GABRG3: variants seen among roughly 807,000 people sequenced by gnomAD.
GABRG3 encodes gamma-aminobutyric acid type A receptor subunit gamma3.
In GABRG3, 25 loss-of-function variants were observed where a neutral mutation model predicts 48.8. That is an observed-to-expected ratio of 0.51 (90% CI 0.37 to 0.72). GABRG3 has a LOEUF of 0.72. Ranked by LOEUF, GABRG3 falls within the 30% of genes least tolerant of loss-of-function variation. The pLI is 0.00. For synonymous variants in GABRG3, 227 were observed against 217.6 expected (o/e 1.04, Z -0.38); for missense variants, 394 against 577.9 (o/e 0.68, Z 3.26).
rs1566988398 is a variant in GABRG3, at chr15:27,271,113, C to G, written c.271-55696C>G. Among the ~76,000 whole-genome samples the G allele has an allele frequency of 3.9e-5, 6 of 152,172 alleles. No homozygotes were observed. The South Asian group carries it at 1.2e-3, about 32-fold the overall frequency. On this transcript the variant is annotated intron_variant, in intron 3 of 9. Transcript: ENST00000615808. Reference sequence around the variant, plus strand: ...TGAGCAGAGAGGTGAAGCGCTAACCCTACAGGAGTTTAGCTCTCTGTCCCT... The same window carrying G: ...TGAGCAGAGAGGTGAAGCGCTAACCGTACAGGAGTTTAGCTCTCTGTCCCT...
intron 3 of GABRG3, among the ~76,000 whole-genome samples, chr15:27,201,572 ACAC>A (rs768767041): frequency 0.05 from 7,531 of 152,054 alleles, 434 homozygotes; most frequent in African/African-American, 0.14. Context: ...AGGGTCTGTA[ACAC>A]TTACACCTTG....
At chr15:27,358,002 A>C (rs75760864) in intron 5 of GABRG3, among the ~76,000 whole-genome samples, 2,612 of 152,302 alleles carry the variant, frequency 0.017, 81 homozygotes, top group African/African-American at 0.06. Flanking sequence ...TGATCATCCA[A>C]ATGTTGACAC....
chr15:27,513,804 AAATT>A (rs1207335925), intron 6 of GABRG3, among the ~76,000 whole-genome samples: 1 of 152,222 alleles, frequency 6.6e-6, no homozygotes, highest in Non-Finnish European at 1.5e-5. Context: ...AGAAAGAAAA[AAATT>A]AAAACACGAA....
chr15:27,210,377 T>C (rs2140434362), intron 3 of GABRG3, among the ~76,000 whole-genome samples: 1 of 152,356 alleles, frequency 6.6e-6, no homozygotes, highest in Middle Eastern at 3.4e-3. Context: ...GATTTTCTCC[T>C]TTTGACTCAT....
chr15:27,030,087 AGG>A (rs1896056942), intron 3 of GABRG3, among the ~76,000 whole-genome samples: 1 of 152,216 alleles, frequency 6.6e-6, no homozygotes, highest in Non-Finnish European at 1.5e-5. Flanking sequence ...GCAATAAAAA[AGG>A]ATATAAGAAA....
chr15:27,264,968 C>T (rs1049997771), intron 3 of GABRG3, among the ~76,000 whole-genome samples: 5 of 151,894 alleles, frequency 3.3e-5, no homozygotes, highest in South Asian at 2.1e-4. Flanking sequence ...ATATCTCTAC[C>T]CTATTCCTCT....
chr15:27,395,753 A>T (rs1396898346), intron 5 of GABRG3, among the ~76,000 whole-genome samples: 6 of 152,258 alleles, frequency 3.9e-5, no homozygotes, highest in Non-Finnish European at 8.8e-5. Flanking sequence ...ATGTAAACAA[A>T]TAATTCTAGA....
chr15:27,436,655 A>G (rs1219336091), intron 5 of GABRG3, among the ~76,000 whole-genome samples: 1 of 152,166 alleles, frequency 6.6e-6, no homozygotes, highest in Admixed American at 6.5e-5. Context: ...GTCTGAAGGA[A>G]AAATAATGTG....
chr15:27,087,922 GGTGT>G (rs139541711), intron 3 of GABRG3, among the ~76,000 whole-genome samples: 26 of 148,592 alleles, frequency 1.7e-4, no homozygotes, highest in African/African-American at 6.0e-4. Flanking sequence ...GGTGTGCTGT[GGTGT>G]GTGTGTGATG....
chr15:27,218,428 G>A (rs975694692), intron 3 of GABRG3, among the ~76,000 whole-genome samples: 3 of 152,162 alleles, frequency 2.0e-5, no homozygotes. Context: ...TTCTGCACTT[G>A]TTGATTCTCA....
chr15:27,162,003 C>G (rs1887209436), intron 3 of GABRG3, among the ~76,000 whole-genome samples: 2 of 152,086 alleles, frequency 1.3e-5, no homozygotes, highest in South Asian at 4.1e-4. Context: ...TAGAAATAAA[C>G]TTACACATAC....
chr15:27,059,035 A>C (rs903952686), intron 3 of GABRG3, among the ~76,000 whole-genome samples: 1 of 152,196 alleles, frequency 6.6e-6, no homozygotes, highest in African/African-American at 2.4e-5. Flanking sequence ...AGCAGGCTCA[A>C]ACTAATTCAC....
At chr15:27,388,338 AGGTG>A (rs1469773504) in intron 5 of GABRG3, among the ~76,000 whole-genome samples, 1 of 42,666 alleles carries the variant, frequency 2.3e-5, no homozygotes, top group Non-Finnish European at 4.3e-5. Flanking sequence ...AAGGAAGGAA[AGGTG>A]GGAGGGAGGG....
intron 3 of GABRG3, among the ~76,000 whole-genome samples, chr15:27,287,730 G>C (rs1891661253): frequency 2.0e-5 from 3 of 147,096 alleles, no homozygotes; most frequent in Non-Finnish European, 4.5e-5. Flanking sequence ...AAGATGATTT[G>C]CTGTGTCTTT....
At chr15:27,221,669 T>A (rs1014287328) in intron 3 of GABRG3, among the ~76,000 whole-genome samples, 3 of 152,204 alleles carry the variant, frequency 2.0e-5, no homozygotes, top group Non-Finnish European at 2.9e-5. Flanking sequence ...TTTGTCTTGT[T>A]ACAACCAAGT....
intron 3 of GABRG3, among the ~76,000 whole-genome samples, chr15:27,307,084 A>G (rs1335745486): frequency 1.6e-5 from 2 of 128,594 alleles, no homozygotes; most frequent in Non-Finnish European, 3.1e-5. Context: ...ACATGTTTAT[A>G]TATAAACATA....
At chr15:27,252,412 G>A (rs1890487497) in intron 3 of GABRG3, among the ~76,000 whole-genome samples, 1 of 152,202 alleles carries the variant, frequency 6.6e-6, no homozygotes, top group African/African-American at 2.4e-5. Flanking sequence ...GGGTGGCTGT[G>A]TGGATGCCAT....
chr15:27,110,848 G>A (rs757980971), intron 3 of GABRG3, among the ~76,000 whole-genome samples: 1 of 152,110 alleles, frequency 6.6e-6, no homozygotes, highest in Non-Finnish European at 1.5e-5. Flanking sequence ...TGCAGTTTGA[G>A]TATGAAATGT....
intron 3 of GABRG3, among the ~76,000 whole-genome samples, chr15:27,307,738 CAT>C (rs1287883660): frequency 8.3e-6 from 1 of 120,400 alleles, no homozygotes; most frequent in Non-Finnish European, 1.7e-5. Context: ...AATATATAAT[CAT>C]AGGTTTATAT....
Sources: gnomAD v4.1 joint callset for allele counts (sites outside exome capture counted in the v4.1 genomes callset) on GRCh38, gnomAD v4.1.1 for gene constraint, MANE v1.5 for transcripts, NCBI Gene and HGNC (gene_info 2026-07-23, HGNC 2026-07-21) for gene names.